Variants in TNNI3K observed in about 807,000 individuals in gnomAD.
TNNI3K encodes the protein serine/threonine-protein kinase TNNI3K.
In TNNI3K, 140 loss-of-function variants were observed where a neutral mutation model predicts 114.5. The observed-to-expected ratio is 1.22, with a 90% confidence interval of 1.07 to 1.41. The LOEUF (loss-of-function observed/expected upper bound fraction) is 1.41, where lower values mean the gene tolerates loss of function less well. Among genes scored for constraint, TNNI3K ranks in the 40% most tolerant of loss-of-function variants. TNNI3K has a pLI of 0.00. For synonymous variants in TNNI3K, 347 were observed against 347.5 expected (o/e 1.00, Z 0.02); for missense variants, 1,125 against 1,007.6 (o/e 1.12, Z -1.58).
chr1:74,448,073 A>G (rs1309621562), intron 20 of TNNI3K, among the ~76,000 whole-genome samples: 1 of 81,086 alleles, frequency 1.2e-5, no homozygotes, highest in Non-Finnish European at 2.3e-5. Context: ...GATCACATGG[A>G]CACAGGAAGG....
intron 7 of TNNI3K, among the ~76,000 whole-genome samples, chr1:74,340,109 T>C (rs1052548414): frequency 6.6e-6 from 1 of 152,074 alleles, no homozygotes; most frequent in African/African-American, 2.4e-5. Context: ...AAAGATCTTA[T>C]AGGACCTGCT....
chr1:74,415,009 C>G (rs992672424), intron 17 of TNNI3K, among the ~76,000 whole-genome samples: 1 of 152,204 alleles, frequency 6.6e-6, no homozygotes, highest in African/African-American at 2.4e-5. Context: ...ATACAATTGT[C>G]TAGAAGGCCC....
At chr1:74,509,213 T>C (rs1670058101) in intron 23 of TNNI3K, among the ~76,000 whole-genome samples, 1 of 152,222 alleles carries the variant, frequency 6.6e-6, no homozygotes, top group Non-Finnish European at 1.5e-5. Context: ...TTGTCAAATT[T>C]GACAGTGTTG....
chr1:74,326,701 T>TAATA (rs1659924368), intron 5 of TNNI3K, among the ~76,000 whole-genome samples: 1 of 152,154 alleles, frequency 6.6e-6, no homozygotes, highest in Non-Finnish European at 1.5e-5. Flanking sequence ...AATAAGTGAT[T>TAATA]AATACAATGA....
In TNNI3K at chr1:74,489,256, C is replaced by CTGAAATATGTCCA; in HGVS notation, c.2181+9_2181+10insGAAATATGTCCAT. 1 of 1,606,360 alleles carries CTGAAATATGTCCA rather than the reference C, an allele frequency of 6.2e-7. No homozygotes were observed. Among genetic ancestry groups the CTGAAATATGTCCA allele is most frequent in the Non-Finnish European group, 8.5e-7 (1 of 1,177,232 alleles). On this transcript the variant is annotated intron_variant, in intron 22 of 24. Coordinates refer to ENST00000326637, the MANE Select transcript of TNNI3K (RefSeq NM_015978.3). ...TGTCTCTGCAACATTGAGGTAAAAG[C>CTGAAATATGTCCA]TTTAGCTTCTGAAATATGTCCATAA...
At chr1:74,248,333 G>A (rs918283319) in intron 2 of TNNI3K, among the ~76,000 whole-genome samples, 12 of 152,058 alleles carry the variant, frequency 7.9e-5, no homozygotes, top group East Asian at 1.9e-4. Context: ...CTCTGGCCTC[G>A]GCCAGTCCAG....
At chr1:74,351,497 A>G (rs1661337458) in intron 9 of TNNI3K, among the ~76,000 whole-genome samples, 1 of 151,958 alleles carries the variant, frequency 6.6e-6, no homozygotes, top group African/African-American at 2.4e-5. Flanking sequence ...GTATTTCCTG[A>G]ATTTGAATGT....
At chr1:74,241,968 G>T (rs1654254448) in intron 2 of TNNI3K, among the ~76,000 whole-genome samples, 1 of 151,010 alleles carries the variant, frequency 6.6e-6, no homozygotes, top group Non-Finnish European at 1.5e-5. Flanking sequence ...TCCTGCCTCA[G>T]CCTCCCAAGT....
intron 17 of TNNI3K, among the ~76,000 whole-genome samples, chr1:74,411,323 A>G (rs145368440): frequency 5.2e-4 from 79 of 152,324 alleles, no homozygotes; most frequent in Middle Eastern, 3.4e-3. Context: ...GTGCGGATAC[A>G]CTGAGATACA....
intron 2 of TNNI3K, among the ~76,000 whole-genome samples, chr1:74,243,573 A>G (rs962330460): frequency 1.3e-5 from 2 of 152,172 alleles, no homozygotes; most frequent in African/African-American, 4.8e-5. Flanking sequence ...CAAATGTTAC[A>G]TTTTAATAAG....
chr1:74,415,118 T>C (rs1665056420), intron 17 of TNNI3K, among the ~76,000 whole-genome samples: 1 of 152,162 alleles, frequency 6.6e-6, no homozygotes, highest in African/African-American at 2.4e-5. Context: ...CTGAACACTC[T>C]AAGCATGCCC....
chr1:74,480,397 A>G (rs1374225137), intron 21 of TNNI3K: 1 of 717,480 alleles, frequency 1.4e-6, no homozygotes, highest in African/African-American at 1.7e-5. Context: ...GATGGAGATC[A>G]CAAGTGCAGC....
chr1:74,403,488 C>T (rs1025774722), intron 17 of TNNI3K, among the ~76,000 whole-genome samples: 4 of 152,038 alleles, frequency 2.6e-5, no homozygotes, highest in East Asian at 3.9e-4. Flanking sequence ...AATTAGACAT[C>T]ATTGAACATA....
In TNNI3K at chr1:74,436,128, T is replaced by C; in HGVS notation, c.1821T>C (p.Phe607=). The C allele has an allele frequency of 6.2e-7, 1 of 1,611,034 alleles. No individual in the cohort carries two copies. Among genetic ancestry groups the C allele is most frequent in the Non-Finnish European group, 8.5e-7 (1 of 1,178,872 alleles). The change falls in exon 18 of 25, where the codon TTT becomes TTC. Residue 607 remains phenylalanine, a synonymous_variant. Coordinates refer to ENST00000326637, the MANE Select transcript of TNNI3K (RefSeq NM_015978.3). ...ATGGGCATGCTGTGGTGGCAGATTT[T>C]GGAGGTGAGATACCCCAAAATGGCA... ...YEDGHAVVAD[F]GESRFLQSLD...
intron 23 of TNNI3K, among the ~76,000 whole-genome samples, chr1:74,530,332 T>C (rs1360348128): frequency 6.6e-6 from 1 of 152,228 alleles, no homozygotes; most frequent in East Asian, 1.9e-4. Flanking sequence ...ACTTAATAAC[T>C]GCCTGGCTTA....
chr1:74,262,987 C>T (rs999638374), intron 4 of TNNI3K, among the ~76,000 whole-genome samples: 2 of 151,916 alleles, frequency 1.3e-5, no homozygotes, highest in Admixed American at 6.6e-5. Context: ...TCTATATTAG[C>T]GGTCACAATC....
At chr1:74,518,731 G>A (rs1043049278) in intron 23 of TNNI3K, among the ~76,000 whole-genome samples, 1 of 151,856 alleles carries the variant, frequency 6.6e-6, no homozygotes, top group Non-Finnish European at 1.5e-5. Context: ...CACATATTTT[G>A]CTTTTATATA....
chr1:74,492,892 C>G (rs1026455630), intron 23 of TNNI3K, among the ~76,000 whole-genome samples: 2 of 152,178 alleles, frequency 1.3e-5, no homozygotes, highest in Non-Finnish European at 2.9e-5. Context: ...AGATCAGGTT[C>G]AGCATGGTTG....
At chr1:74,379,613 G>C (rs1663094226) in intron 17 of TNNI3K, among the ~76,000 whole-genome samples, 1 of 152,052 alleles carries the variant, frequency 6.6e-6, no homozygotes, top group Admixed American at 6.6e-5. Context: ...GAAACAGTGA[G>C]TTCTCTCTGA....
Sources: allele counts gnomAD v4.1 joint callset (sites outside exome capture counted in the v4.1 genomes callset), GRCh38; gene constraint gnomAD v4.1.1; transcripts MANE v1.5; gene names NCBI Gene and HGNC (gene_info 2026-07-23, HGNC 2026-07-21).